The following CTSO variants were observed in gnomAD, a reference collection of about 807,000 sequenced individuals.
CTSO encodes cathepsin O.
CTSO carries 40 observed loss-of-function variants against 42.4 expected under a neutral mutation model. The ratio of observed to expected loss-of-function variants is 0.94; its 90% CI spans 0.73 to 1.23. CTSO has a LOEUF of 1.23. Ranked by LOEUF, CTSO falls within the 50% of genes most tolerant of loss-of-function variation. The pLI is 0.00. For synonymous variants in CTSO, 156 were observed against 146.2 expected (o/e 1.07, Z -0.48); for missense variants, 441 against 396.0 (o/e 1.11, Z -0.96).
At chr4:155,931,082 T>C (rs1427315584) in intron 5 of CTSO, among the ~76,000 whole-genome samples, 18 of 152,164 alleles carry the variant, frequency 1.2e-4, no homozygotes. Context: ...ATAAATTATG[T>C]AGCATGCCCA....
intron 1 of CTSO, among the ~76,000 whole-genome samples, chr4:155,951,608 T>C (rs1191377552): frequency 6.6e-6 from 1 of 152,210 alleles, no homozygotes; most frequent in Non-Finnish European, 1.5e-5. Context: ...AAACAAATTT[T>C]AAAACCTTCA....
intron 4 of CTSO, 28 bp downstream of exon 4, chr4:155,939,339 TAAAG>T (rs1009641798): frequency 1.5e-5 from 23 of 1,535,840 alleles, no homozygotes; most frequent in Non-Finnish European, 2.0e-5. Flanking sequence ...AAAAAGGAAA[TAAAG>T]AGTTTAAGAG....
At chr4:155,953,449 G>A (rs1218586807) in intron 1 of CTSO, among the ~76,000 whole-genome samples, 1 of 152,168 alleles carries the variant, frequency 6.6e-6, no homozygotes, top group South Asian at 2.1e-4. Flanking sequence ...TTATTTGGGT[G>A]CGTCCCAAAA....
chr4:155,931,531 G>A (rs1224654294), intron 5 of CTSO, among the ~76,000 whole-genome samples: 1 of 152,036 alleles, frequency 6.6e-6, no homozygotes, highest in Non-Finnish European at 1.5e-5. Context: ...ATAAGCAGAG[G>A]CAAATGTTCC....
chr4:155,952,706 T>C (rs1743698345), intron 1 of CTSO, among the ~76,000 whole-genome samples: 2 of 152,306 alleles, frequency 1.3e-5, no homozygotes, highest in South Asian at 4.1e-4. Flanking sequence ...TTCCTAAACA[T>C]TGGAGCTTTC....
At position 155,924,408 on chromosome 4, in the gene CTSO, T is replaced by C. The variant is rs1480331093; in HGVS notation, c.*1628A>G. ...TGAGTCAACACACATTCTTTTCGGA[T>C]TGGTTCTGACTGGCGTAAGAAGAGA... is the stretch of plus-strand genomic sequence containing the variant. On this transcript the variant is annotated 3_prime_UTR_variant, in exon 8 of 8. Coordinates refer to ENST00000433477, the MANE Select transcript of CTSO (RefSeq NM_001334.3). 6.6e-6 allele frequency: 1 copy of C among 152,194 alleles called. No homozygotes were observed. The highest frequency in any genetic ancestry group is 2.4e-5 in the African/African-American group (1 of 41,460). 9.4% of individuals were successfully genotyped at this position (152,194 alleles called of 1,614,324 possible).
intron 1 of CTSO, among the ~76,000 whole-genome samples, chr4:155,944,083 A>T (rs956493072): frequency 1.3e-5 from 2 of 152,186 alleles, no homozygotes; most frequent in Non-Finnish European, 1.5e-5. Flanking sequence ...TCAAAAACCT[A>T]TAAGCAAAAT....
intron 1 of CTSO, among the ~76,000 whole-genome samples, chr4:155,951,282 C>T (rs1185299324): frequency 1.3e-5 from 2 of 151,930 alleles, no homozygotes; most frequent in Non-Finnish European, 1.5e-5. Context: ...GATAAGAATA[C>T]CAAATGTTCT....
Position 155,925,939 on chromosome 4 carries a change from G to T in CTSO, c.*97C>A. 1 of 1,025,524 alleles carries T rather than the reference G, an allele frequency of 9.8e-7. No homozygotes were observed. The highest frequency in any genetic ancestry group is 1.4e-5 in the South Asian group (1 of 68,976). 63.5% of individuals were successfully genotyped at this position (1,025,524 alleles called of 1,614,324 possible). On this transcript the variant is annotated 3_prime_UTR_variant, in exon 8 of 8. Transcript: ENST00000433477. The stretch of plus-strand genomic sequence containing the variant: ...GCCTTAGAATCTTTTGTAGGTAGTT[G>T]CTGAAACTTGAAGTTGAATAATACT...
At chr4:155,931,283 C>T (rs977447792) in intron 5 of CTSO, among the ~76,000 whole-genome samples, 15 of 152,036 alleles carry the variant, frequency 9.9e-5, no homozygotes, top group South Asian at 4.1e-4. Context: ...AGAACACAGC[C>T]GTCTCCATCA....
chr4:155,953,818 C>A lies in CTSO; in HGVS notation c.30G>T (p.Pro10=). The A allele has an allele frequency of 1.5e-6, 2 of 1,317,632 alleles. No individual in the cohort carries two copies. The highest frequency in any genetic ancestry group is 2.2e-5 in the South Asian group (1 of 46,344). 81.6% of individuals were successfully genotyped at this position (1,317,632 alleles called of 1,614,324 possible). The change falls in exon 1 of 8, where the codon CCG becomes CCT. Residue 10 remains proline, a synonymous_variant. Transcript: ENST00000433477. The part of the protein sequence containing the change: MDVRALPWL[P]WLLWLLCRGG... Reference sequence around the variant, plus strand: ...CCCGGCACAGCAGCCACAGCAGCCACGGCAGCCACGGCAGCGCCCGCACGT... The same window carrying A: ...CCCGGCACAGCAGCCACAGCAGCCAAGGCAGCCACGGCAGCGCCCGCACGT...
chr4:155,943,296 A>G, intron 1 of CTSO, 32 bp from the exon 2 acceptor site: 1 of 1,344,366 alleles, frequency 7.4e-7, no homozygotes, highest in South Asian at 1.2e-5. Context: ...TTTCATATCC[A>G]CTATGTCAGT....
At position 155,942,243 on chromosome 4, in the gene CTSO, C is replaced by T. The variant is rs138222598; in HGVS notation, c.384+74G>A. 6,754 of 1,246,832 alleles carry T rather than the reference C, an allele frequency of 5.4e-3. 27 individuals carry two copies. Among genetic ancestry groups the T allele is most frequent in the Non-Finnish European group, 6.2e-3 (5,820 of 943,842 alleles). The allele number at this position is 1,246,832 out of a possible 1,614,324, so 77.2% of individuals were successfully genotyped here. ...TAGAGAAATGATGTTTCCATTACAACTTTGATTAAACTTGACCTCAAAGCT... is the reference window on the plus strand; with the variant it reads ...TAGAGAAATGATGTTTCCATTACAATTTTGATTAAACTTGACCTCAAAGCT... On this transcript the variant is annotated intron_variant, in intron 3 of 7. Coordinates refer to ENST00000433477, the MANE Select transcript of CTSO (RefSeq NM_001334.3).
At chr4:155,952,261 T>A (rs1021088334) in intron 1 of CTSO, among the ~76,000 whole-genome samples, 2 of 152,216 alleles carry the variant, frequency 1.3e-5, no homozygotes, top group Non-Finnish European at 2.9e-5. Context: ...AAAGTTACAT[T>A]TTCTAGACAT....
At chr4:155,932,116 T>C (rs1376570858) in intron 5 of CTSO, among the ~76,000 whole-genome samples, 1 of 152,108 alleles carries the variant, frequency 6.6e-6, no homozygotes, top group African/African-American at 2.4e-5. Context: ...ATTTCTGGGG[T>C]CTGATAAACA....
chr4:155,932,605 C>T (rs1743255922), intron 5 of CTSO, among the ~76,000 whole-genome samples: 1 of 152,096 alleles, frequency 6.6e-6, no homozygotes, highest in African/African-American at 2.4e-5. Context: ...ATTTCCATCC[C>T]CAGATGCACC....
chr4:155,951,839 C>A (rs1743680090), intron 1 of CTSO, among the ~76,000 whole-genome samples: 1 of 152,110 alleles, frequency 6.6e-6, no homozygotes, highest in Non-Finnish European at 1.5e-5. Context: ...GCTAACTAAT[C>A]TAACTAATTC....
At chr4:155,944,910 T>C (rs1391625947) in intron 1 of CTSO, among the ~76,000 whole-genome samples, 1 of 147,864 alleles carries the variant, frequency 6.8e-6, no homozygotes, top group Non-Finnish European at 1.5e-5. Context: ...TAGCTCTACC[T>C]GGACCTCTCC....
intron 1 of CTSO, among the ~76,000 whole-genome samples, chr4:155,949,487 T>C (rs956104588): frequency 3.3e-5 from 5 of 152,212 alleles, no homozygotes; most frequent in African/African-American, 1.2e-4. Flanking sequence ...ATAAGTTTTA[T>C]ATTGAAATTA....
Sources: gnomAD v4.1 joint callset for allele counts (sites outside exome capture counted in the v4.1 genomes callset) on GRCh38, gnomAD v4.1.1 for gene constraint, MANE v1.5 for transcripts, NCBI Gene and HGNC (gene_info 2026-07-23, HGNC 2026-07-21) for gene names.